Variants in MYO3B observed in about 807,000 individuals in gnomAD.
MYO3B encodes myosin IIIB.
A neutral mutation model predicts 174.6 loss-of-function variants in MYO3B; 156 were observed. The ratio of observed to expected loss-of-function variants is 0.89; its 90% CI spans 0.78 to 1.02. The LOEUF (loss-of-function observed/expected upper bound fraction) is 1.02. Among genes scored for constraint, MYO3B ranks in the 50% least tolerant of loss-of-function variants. The pLI is 0.00. For synonymous variants in MYO3B, 563 were observed against 569.1 expected (o/e 0.99, Z 0.15); for missense variants, 1,632 against 1,639.4 (o/e 1.00, Z 0.08).
rs16858132 is a variant in MYO3B, at chr2:170,308,863, T to C, written c.750-26522T>C. ...AGAAGGGGGGACACAAATTCAAATG[T>C]AGTCAGAGGCCAAGCAGAAAATGAA... On this transcript the variant is annotated intron_variant, in intron 7 of 34. Transcript: ENST00000408978. 2.8e-3 allele frequency among the ~76,000 whole-genome samples: 429 copies of C among 152,118 alleles called. 4 individuals carry two copies. The highest frequency in any genetic ancestry group is 0.01 in the African/African-American group (417 of 41,522).
At chr2:170,297,419 C>CTA (rs755798812) in intron 7 of MYO3B, among the ~76,000 whole-genome samples, 6 of 152,096 alleles carry the variant, frequency 3.9e-5, no homozygotes, top group Non-Finnish European at 8.8e-5. Flanking sequence ...CAGTGGTAGT[C>CTA]TAAAGCTGCA....
At chr2:170,488,559 C>T (rs541319658) in intron 25 of MYO3B, among the ~76,000 whole-genome samples, 6 of 152,188 alleles carry the variant, frequency 3.9e-5, no homozygotes, top group South Asian at 4.2e-4. Context: ...TTTATTCATA[C>T]GTTATGAGGG....
At chr2:170,357,943 G>A (rs908236904) in intron 8 of MYO3B, among the ~76,000 whole-genome samples, 1 of 152,036 alleles carries the variant, frequency 6.6e-6, no homozygotes, top group South Asian at 2.1e-4. Flanking sequence ...ACCTGAGGTC[G>A]GGAGTTCGAG....
intron 3 of MYO3B, among the ~76,000 whole-genome samples, chr2:170,213,278 G>A (rs1348482105): frequency 6.6e-6 from 1 of 152,158 alleles, no homozygotes; most frequent in East Asian, 1.9e-4. Flanking sequence ...CAAGAGCCGA[G>A]CTCTCTGAGT....
intron 23 of MYO3B, among the ~76,000 whole-genome samples, chr2:170,449,646 A>G (rs928666128): frequency 6.6e-6 from 1 of 151,924 alleles, no homozygotes; most frequent in African/African-American, 2.4e-5. Flanking sequence ...GCGTGGTGGT[A>G]CATGCCTGTA....
At chr2:170,221,557 T>A (rs12993275) in intron 6 of MYO3B, among the ~76,000 whole-genome samples, 32,217 of 152,092 alleles carry the variant, frequency 0.21, 4,473 homozygotes, top group Non-Finnish European at 0.31. Flanking sequence ...TCATTTTCTC[T>A]TACTACCTCA....
intron 9 of MYO3B, among the ~76,000 whole-genome samples, chr2:170,375,986 G>A (rs2094289841): frequency 6.6e-6 from 1 of 152,106 alleles, no homozygotes; most frequent in African/African-American, 2.4e-5. Flanking sequence ...TTATGCTGGT[G>A]TTACTGATTC....
chr2:170,180,087 G>A, intron 1 of MYO3B: 1 of 362,582 alleles, frequency 2.8e-6, no homozygotes, highest in South Asian at 1.9e-5. Context: ...ATAAAATGTT[G>A]CTGGGCAAGT....
intron 32 of MYO3B, among the ~76,000 whole-genome samples, chr2:170,607,359 A>C (rs1174830163): frequency 1.3e-5 from 2 of 152,242 alleles, no homozygotes; most frequent in Non-Finnish European, 2.9e-5. Context: ...GCTATACTAC[A>C]TGGGTCAGCT....
At position 170,580,015 on chromosome 2, in the gene MYO3B, T is replaced by A. The variant is rs75443054; in HGVS notation, c.3733+36027T>A. Among the ~76,000 whole-genome samples, 417 of 152,318 alleles carry A rather than the reference T, an allele frequency of 2.7e-3. 1 individual carries two copies. Among genetic ancestry groups the A allele is most frequent in the African/African-American group, 9.5e-3 (396 of 41,560 alleles). On this transcript the variant is annotated intron_variant, in intron 32 of 34. Transcript: ENST00000408978. Reference sequence around the variant, plus strand: ...TAAAGACTCTTTTCTAAAGTGCTATTTTTCTTCCTTAAATTTGTTGATCAA... The same window carrying A: ...TAAAGACTCTTTTCTAAAGTGCTATATTTCTTCCTTAAATTTGTTGATCAA...
intron 8 of MYO3B, among the ~76,000 whole-genome samples, chr2:170,347,014 T>G (rs1277251333): frequency 6.6e-6 from 1 of 152,230 alleles, no homozygotes; most frequent in African/African-American, 2.4e-5. Context: ...TGTGAAAATC[T>G]TTATTCATGG....
In MYO3B at chr2:170,498,647, T is replaced by C; in HGVS notation, c.3070T>C (p.Cys1024Arg). Reference sequence around the variant, plus strand: ...AACACCTCTTGCTAGCAAAGAGAGCTGTGTGGCTATCTTGGAAAAGTCCAG... The same window carrying C: ...AACACCTCTTGCTAGCAAAGAGAGCCGTGTGGCTATCTTGGAAAAGTCCAG... ...HQTPLASKES[C>R]VAILEKSRLD... Residue 1024 changes from cysteine to arginine, a missense_variant, in exon 26 of 35, where the codon TGT (cysteine) becomes CGT (arginine). Physicochemically the swap from Cys to Arg is radical, Grantham distance 180. Coordinates refer to ENST00000408978, the MANE Select transcript of MYO3B (RefSeq NM_138995.5). 2 of 1,614,154 alleles carry C rather than the reference T, an allele frequency of 1.2e-6. No individual in the cohort carries two copies. The highest frequency in any genetic ancestry group is 1.7e-6 in the Non-Finnish European group (2 of 1,179,988).
chr2:170,561,695 C>G (rs1233610276), intron 32 of MYO3B, among the ~76,000 whole-genome samples: 2 of 152,016 alleles, frequency 1.3e-5, no homozygotes, highest in Non-Finnish European at 2.9e-5. Flanking sequence ...ATTTTTCTTC[C>G]CATGTGGTAG....
At chr2:170,216,237 G>A (rs2092826836) in intron 5 of MYO3B, among the ~76,000 whole-genome samples, 1 of 152,210 alleles carries the variant, frequency 6.6e-6, no homozygotes, top group Non-Finnish European at 1.5e-5. Context: ...TGTCATCAAT[G>A]ACATTAGTGG....
chr2:170,183,083 C>T (rs937927744), intron 1 of MYO3B, among the ~76,000 whole-genome samples: 1 of 151,938 alleles, frequency 6.6e-6, no homozygotes, highest in African/African-American at 2.4e-5. Context: ...CTGTGAAACC[C>T]CGTCTCTACT....
At chr2:170,372,353 A>G (rs1469661043) in intron 9 of MYO3B, among the ~76,000 whole-genome samples, 1 of 152,174 alleles carries the variant, frequency 6.6e-6, no homozygotes, top group Non-Finnish European at 1.5e-5. Context: ...TACAAGGTCT[A>G]TTTAATTCTG....
At chr2:170,285,501 C>T (rs545946235) in intron 7 of MYO3B, among the ~76,000 whole-genome samples, 1 of 152,152 alleles carries the variant, frequency 6.6e-6, no homozygotes, top group South Asian at 2.1e-4. Context: ...GCTGGGACTA[C>T]AGGCATGTGC....
At chr2:170,262,979 A>G (rs1014505919) in intron 7 of MYO3B, among the ~76,000 whole-genome samples, 1 of 152,188 alleles carries the variant, frequency 6.6e-6, no homozygotes, top group African/African-American at 2.4e-5. Context: ...ACCAATGATC[A>G]TTTGATCATT....
chr2:170,463,821 C>A (rs1286994470), intron 24 of MYO3B, among the ~76,000 whole-genome samples: 1 of 152,228 alleles, frequency 6.6e-6, no homozygotes, highest in African/African-American at 2.4e-5. Flanking sequence ...GTAAAACCCA[C>A]TTGTCTGAGC....
Sources: allele counts gnomAD v4.1 joint callset (sites outside exome capture counted in the v4.1 genomes callset), GRCh38; gene constraint gnomAD v4.1.1; transcripts MANE v1.5; gene names NCBI Gene and HGNC (gene_info 2026-07-23, HGNC 2026-07-21).